GON4L: variants seen among roughly 807,000 people sequenced by gnomAD.
The protein encoded by GON4L is gon-4 like, also known as GON-4-like protein.
In GON4L, 87 loss-of-function variants were observed where a neutral mutation model predicts 211.8. That is an observed-to-expected ratio of 0.41 (90% confidence interval 0.35 to 0.49). GON4L has a LOEUF of 0.49. GON4L is among the 20% of genes least tolerant of loss of function. The pLI is 0.15. For synonymous variants in GON4L, 875 were observed against 962.6 expected, an observed-to-expected ratio of 0.91 and a Z score of 1.68; for missense variants, 2,155 against 2,659.5, an observed-to-expected ratio of 0.81 and a Z score of 4.17.
intron 8 of GON4L, among the ~76,000 whole-genome samples, chr1:155,814,875 G>A (rs1668103949): frequency 6.6e-6 from 1 of 152,094 alleles, no homozygotes; most frequent in Non-Finnish European, 1.5e-5. Context: ...CACTTTGGAA[G>A]GCCGAGGCGG....
chr1:155,845,243 A>G (rs1376015751), intron 2 of GON4L: 2 of 167,714 alleles, frequency 1.2e-5, no homozygotes, highest in African/African-American at 4.8e-5. Flanking sequence ...ACCAGTTACA[A>G]CCAAGATGGC....
chr1:155,748,379 C>T (rs1660339574), downstream of GON4L: 5 of 1,597,722 alleles, frequency 3.1e-6, no homozygotes, highest in Non-Finnish European at 4.3e-6. Context: ...GCCAAGTGCC[C>T]CTCTTGGTGT....
intron 2 of GON4L, among the ~76,000 whole-genome samples, chr1:155,851,532 C>T (rs1345819185): frequency 6.7e-6 from 1 of 150,270 alleles, no homozygotes; most frequent in Non-Finnish European, 1.5e-5. Flanking sequence ...GCTGGCTAAC[C>T]TGGTGAAACC....
chr1:155,820,129 G>C (rs1668606611), intron 6 of GON4L, among the ~76,000 whole-genome samples: 1 of 152,070 alleles, frequency 6.6e-6, no homozygotes, highest in Admixed American at 6.5e-5. Context: ...GGCCAGGCTG[G>C]TCTCGAACTC....
At chr1:155,816,745 T>C (rs1668271942) in intron 6 of GON4L, among the ~76,000 whole-genome samples, 1 of 135,514 alleles carries the variant, frequency 7.4e-6, no homozygotes, top group African/African-American at 2.7e-5. Flanking sequence ...GGGGTAGCCC[T>C]GCTCTGCCTA....
intron 10 of GON4L, among the ~76,000 whole-genome samples, chr1:155,811,460 A>C (rs1428538086): frequency 6.6e-6 from 1 of 150,622 alleles, no homozygotes; most frequent in Admixed American, 6.7e-5. Context: ...TGAGAAAAAT[A>C]ATTTGATTGA....
At position 155,815,905 on chromosome 1, in the gene GON4L, A is replaced by C. The variant is rs763870411; in HGVS notation, c.1066-5T>G. The C allele has an allele frequency of 6.9e-7, 1 of 1,453,612 alleles. No homozygotes were observed. Among genetic ancestry groups the C allele is most frequent in the Non-Finnish European group, 9.7e-7 (1 of 1,033,676 alleles). The allele number at this position is 1,453,612 out of a possible 1,614,324, so 90.0% of individuals were successfully genotyped here. ...GATATCCACAAACTGAGGAGGCTAC[A>C]TTAGTACAATTAGAAAGAAATGAAG... is the stretch of plus-strand genomic sequence containing the variant. On this transcript the variant is annotated splice_region_variant and splice_polypyrimidine_tract_variant and intron_variant, in intron 7 of 31. Coordinates refer to ENST00000368331, the MANE Select transcript of GON4L (RefSeq NM_001282860.2).
At chr1:155,785,252 G>A (rs754996744) in intron 13 of GON4L, 82 bp downstream of exon 13, 2 of 877,018 alleles carry the variant, frequency 2.3e-6, no homozygotes, top group Non-Finnish European at 4.0e-6. Context: ...CTCCTAGAGG[G>A]AGCATCACAG....
intron 12 of GON4L, among the ~76,000 whole-genome samples, chr1:155,789,621 A>T (rs1557864662): frequency 6.6e-6 from 1 of 152,174 alleles, no homozygotes; most frequent in Admixed American, 6.5e-5. Context: ...AAAAAAAAAA[A>T]GAAAAAAAAG....
chr1:155,767,889 C>T (rs1453669717), intron 19 of GON4L, among the ~76,000 whole-genome samples: 1 of 152,134 alleles, frequency 6.6e-6, no homozygotes, highest in African/African-American at 2.4e-5. Context: ...TCTTGATCAA[C>T]AGCTGCAAAG....
chr1:155,791,841 C>T (rs539833763), intron 12 of GON4L, among the ~76,000 whole-genome samples: 7 of 150,406 alleles, frequency 4.7e-5, no homozygotes, highest in Non-Finnish European at 1.0e-4. Context: ...GCACTCCAGC[C>T]TGGGCGACAA....
chr1:155,762,513 T>C lies in GON4L; in HGVS notation c.4727-139A>G, dbSNP rs141513443. On this transcript the variant is annotated intron_variant, in intron 22 of 31. Coordinates refer to ENST00000368331, the MANE Select transcript of GON4L (RefSeq NM_001282860.2). ...GGAAAAGGTTTTTGGGAAAATGGTA[T>C]GAGAACTAAGTCCGTCAAGTCAGTT... 8.4e-4 allele frequency: 578 copies of C among 691,428 alleles called. 3 individuals are homozygous for C. Among genetic ancestry groups the C allele is most frequent in the Non-Finnish European group, 9.2e-4 (385 of 420,212 alleles). The allele number at this position is 691,428 out of a possible 1,614,324, so 42.8% of individuals were successfully genotyped here.
chr1:155,846,294 G>C (rs145976521), intron 2 of GON4L: 2 of 161,282 alleles, frequency 1.2e-5, no homozygotes, highest in East Asian at 3.2e-4. Context: ...AGGCCGAGGC[G>C]GGCGGATCAC....
At chr1:155,778,079 G>GA (rs2101855808) in intron 14 of GON4L, among the ~76,000 whole-genome samples, 1 of 152,060 alleles carries the variant, frequency 6.6e-6, no homozygotes, top group Admixed American at 6.6e-5. Context: ...TACAAATAAA[G>GA]AAAAAATTAA....
intron 16 of GON4L, 54 bp downstream of exon 16, chr1:155,776,341 G>A: frequency 8.5e-7 from 1 of 1,183,372 alleles, no homozygotes; most frequent in South Asian, 1.2e-5. Context: ...GAAATAACCT[G>A]CCAAGCTAAT....
At chr1:155,858,880 G>A (rs1672478278), upstream of GON4L, among the ~76,000 whole-genome samples, 1 of 151,862 alleles carries the variant, frequency 6.6e-6, no homozygotes, top group Non-Finnish European at 1.5e-5. Context: ...TTTTAGTAGA[G>A]ATGGGGGTTT....
intron 2 of GON4L, among the ~76,000 whole-genome samples, chr1:155,829,916 T>C (rs1263725664): frequency 6.6e-6 from 1 of 151,768 alleles, no homozygotes; most frequent in Non-Finnish European, 1.5e-5. Context: ...AATGATTTTG[T>C]GGTGCAGCTG....
At chr1:155,840,927 C>T (rs1192786253) in intron 2 of GON4L, among the ~76,000 whole-genome samples, 5 of 151,976 alleles carry the variant, frequency 3.3e-5, no homozygotes, top group Admixed American at 1.3e-4. Context: ...CCCAGCTACT[C>T]GGGAGGCTGA....
At chr1:155,749,399 G>A, downstream of GON4L, 3 of 1,607,440 alleles carry the variant, frequency 1.9e-6, no homozygotes, top group Non-Finnish European at 2.5e-6. Context: ...TCTTGGCTCA[G>A]TATTTACAAC....
Sources: gnomAD v4.1 joint callset for allele counts (sites outside exome capture counted in the v4.1 genomes callset) on GRCh38, gnomAD v4.1.1 for gene constraint, MANE v1.5 for transcripts, NCBI Gene and HGNC (gene_info 2026-07-23, HGNC 2026-07-21) for gene names.